Variants in EXOC4 observed in about 807,000 individuals in gnomAD.
EXOC4 encodes exocyst complex component 4.
Under a neutral mutation model 107.2 loss-of-function variants are expected in EXOC4, and 71 were observed. That is an observed-to-expected ratio of 0.66 (90% CI 0.55 to 0.81). EXOC4 has a LOEUF of 0.81. Among genes scored for constraint, EXOC4 ranks in the 30% least tolerant of loss-of-function variants. EXOC4 has a pLI of 0.00. For synonymous variants in EXOC4, 456 were observed against 441.2 expected, an observed-to-expected ratio of 1.03 and a Z score of -0.42; for missense variants, 1,108 against 1,189.6, an observed-to-expected ratio of 0.93 and a Z score of 1.01.
chr7:133,634,108 C>T (rs1454655484), intron 10 of EXOC4, among the ~76,000 whole-genome samples: 1 of 152,182 alleles, frequency 6.6e-6, no homozygotes, highest in South Asian at 2.1e-4. Context: ...TTTATATATT[C>T]TCAGCAGTCG....
At chr7:133,339,531 TC>T (rs751213063) in intron 5 of EXOC4, among the ~76,000 whole-genome samples, 1 of 152,192 alleles carries the variant, frequency 6.6e-6, no homozygotes, top group Non-Finnish European at 1.5e-5. Context: ...GATTGTTTTT[TC>T]TAGTTCTGTG....
At chr7:133,675,618 A>T (rs1028889470) in intron 10 of EXOC4, among the ~76,000 whole-genome samples, 1 of 152,196 alleles carries the variant, frequency 6.6e-6, no homozygotes, top group South Asian at 2.1e-4. Context: ...GTCTACTTCT[A>T]TGTGGACAAA....
At chr7:133,672,945 A>T (rs1562901595) in intron 10 of EXOC4, among the ~76,000 whole-genome samples, 32 of 152,022 alleles carry the variant, frequency 2.1e-4, no homozygotes, top group Non-Finnish European at 2.9e-5. Context: ...AGCCTTTAAA[A>T]TTTTTTTTCA....
intron 13 of EXOC4, among the ~76,000 whole-genome samples, chr7:133,923,557 C>T (rs751415963): frequency 6.6e-6 from 1 of 152,058 alleles, no homozygotes; most frequent in Non-Finnish European, 1.5e-5. Context: ...ATTTGAATAT[C>T]CTCTTTTGTA....
At position 134,065,038 on chromosome 7, in the gene EXOC4, A is replaced by G. The variant is rs527618934; in HGVS notation, c.*510A>G. ...CTGTCTGTCTCTATTGCCAAAATCA[A>G]ATAAATGGCTTCTCAGCTGCTGTTT... On this transcript the variant is annotated 3_prime_UTR_variant, in exon 18 of 18. Transcript: ENST00000253861. The G allele has an allele frequency of 6.6e-6, 1 of 152,624 alleles. No homozygotes were observed. The highest frequency in any genetic ancestry group is 1.5e-5 in the Non-Finnish European group (1 of 68,046). 9.5% of individuals were successfully genotyped at this position (152,624 alleles called of 1,614,324 possible). A position where few individuals can be genotyped will look rare whatever the true frequency, so the allele number is the denominator to read the frequency against.
At chr7:133,670,849 A>G (rs1793929448) in intron 10 of EXOC4, among the ~76,000 whole-genome samples, 1 of 152,188 alleles carries the variant, frequency 6.6e-6, no homozygotes, top group African/African-American at 2.4e-5. Flanking sequence ...ACCTGCTTTC[A>G]TGGAGTGGAC....
At chr7:133,493,653 C>T (rs2150877808) in intron 9 of EXOC4, among the ~76,000 whole-genome samples, 1 of 152,126 alleles carries the variant, frequency 6.6e-6, no homozygotes, top group African/African-American at 2.4e-5. Context: ...AAACTCCTCC[C>T]CCCACCCCCA....
chr7:133,614,511 T>C (rs1360126604), intron 9 of EXOC4, among the ~76,000 whole-genome samples: 1 of 152,032 alleles, frequency 6.6e-6, no homozygotes, highest in Non-Finnish European at 1.5e-5. Flanking sequence ...ACAGAATGTC[T>C]CTAATCAGGG....
chr7:133,368,824 A>G (rs1796302063), intron 6 of EXOC4, among the ~76,000 whole-genome samples: 1 of 152,182 alleles, frequency 6.6e-6, no homozygotes, highest in African/African-American at 2.4e-5. Context: ...TGAAGGGTAG[A>G]AATTGCAATT....
chr7:133,367,656 G>A (rs1796277425), intron 6 of EXOC4, among the ~76,000 whole-genome samples: 1 of 152,070 alleles, frequency 6.6e-6, no homozygotes, highest in Non-Finnish European at 1.5e-5. Flanking sequence ...CCCCTAAAAA[G>A]GGACAGTCTC....
intron 14 of EXOC4, among the ~76,000 whole-genome samples, chr7:133,992,254 G>A (rs913835134): frequency 2.0e-5 from 3 of 149,036 alleles, no homozygotes; most frequent in East Asian, 2.0e-4. Flanking sequence ...ATTGCTGTTC[G>A]CATCTAGAAA....
intron 8 of EXOC4, 108 bp downstream of exon 8, chr7:133,475,581 G>A: frequency 1.0e-6 from 1 of 971,596 alleles, no homozygotes; most frequent in Non-Finnish European, 1.5e-6. Context: ...GTTGATTGAA[G>A]TAATTTAGAG....
chr7:134,069,439 T>C (rs963503241), downstream of EXOC4, among the ~76,000 whole-genome samples: 3 of 148,130 alleles, frequency 2.0e-5, no homozygotes, highest in Admixed American at 6.7e-5. Flanking sequence ...TCCTCCTCCT[T>C]CTCCTGCTCC....
intron 17 of EXOC4, among the ~76,000 whole-genome samples, chr7:134,011,203 T>C (rs916938960): frequency 8.5e-5 from 13 of 152,140 alleles, no homozygotes; most frequent in African/African-American, 3.1e-4. Flanking sequence ...TCATGCACCT[T>C]TCCACATGTG....
chr7:133,702,159 C>T (rs1459948929), intron 10 of EXOC4, among the ~76,000 whole-genome samples: 3 of 151,378 alleles, frequency 2.0e-5, no homozygotes, highest in Admixed American at 6.6e-5. Flanking sequence ...CATTTTCTTA[C>T]GCTTATTCAC....
Position 133,423,225 on chromosome 7 carries a change from C to CAAAAAAAA in EXOC4, c.1182+48223_1182+48224insAAAAAAAA, listed in dbSNP as rs1797642571. 3.3e-4 allele frequency among the ~76,000 whole-genome samples: 4 copies of CAAAAAAAA among 12,156 alleles called. 2 individuals are homozygous for CAAAAAAAA. The highest frequency in any genetic ancestry group is 3.1e-3 in the African/African-American group (4 of 1,280). 8.0% of individuals were successfully genotyped at this position (12,156 alleles called of 152,430 possible). A position where few individuals can be genotyped will look rare whatever the true frequency, so the allele number is the denominator to read the frequency against. ...TGGGCGACAGAGCGAGACTCCGTCT[C>CAAAAAAAA]CAAAAAAAAAAAAAAAAAAAAAAAA... is the stretch of plus-strand genomic sequence containing the variant. On this transcript the variant is annotated intron_variant, in intron 7 of 17. Coordinates refer to ENST00000253861, the MANE Select transcript of EXOC4 (RefSeq NM_021807.4).
intron 10 of EXOC4, among the ~76,000 whole-genome samples, chr7:133,777,691 T>C (rs1376042252): frequency 6.6e-6 from 1 of 152,202 alleles, no homozygotes; most frequent in African/African-American, 2.4e-5. Flanking sequence ...ACCCAGTCAC[T>C]AATTAGCTTT....
At chr7:133,627,294 G>T (rs1221955610) in intron 9 of EXOC4, among the ~76,000 whole-genome samples, 1 of 152,200 alleles carries the variant, frequency 6.6e-6, no homozygotes, top group Non-Finnish European at 1.5e-5. Flanking sequence ...AGGCATAGAG[G>T]TGCGCATGCA....
At chr7:133,329,853 G>T (rs1357239800) in intron 5 of EXOC4, among the ~76,000 whole-genome samples, 4 of 152,188 alleles carry the variant, frequency 2.6e-5, no homozygotes, top group African/African-American at 9.7e-5. Flanking sequence ...TTTATGAGGT[G>T]TCTGTCGGCC....
Sources: allele counts gnomAD v4.1 joint callset (sites outside exome capture counted in the v4.1 genomes callset), GRCh38; gene constraint gnomAD v4.1.1; transcripts MANE v1.5; gene names NCBI Gene and HGNC (gene_info 2026-07-23, HGNC 2026-07-21).